PDE10A: variants seen among roughly 807,000 people sequenced by gnomAD.
The protein encoded by PDE10A is cAMP and cAMP-inhibited cGMP 3',5'-cyclic phosphodiesterase 10A.
PDE10A carries 39 observed loss-of-function variants against 97.7 expected under a neutral mutation model. The observed-to-expected ratio is 0.40, with a 90% CI of 0.31 to 0.52. The LOEUF is 0.52. Ranked by LOEUF, PDE10A falls within the 20% of genes least tolerant of loss-of-function variation. The pLI, the probability that PDE10A is intolerant of heterozygous loss-of-function variation, is 0.56. For synonymous variants in PDE10A, 371 were observed against 376.8 expected, an observed-to-expected ratio of 0.98 and a Z score of 0.18; for missense variants, 731 against 1,047.8, an observed-to-expected ratio of 0.70 and a Z score of 4.17.
chr6:165,505,054 T>A (rs770170550), intron 2 of PDE10A, among the ~76,000 whole-genome samples: 2 of 152,190 alleles, frequency 1.3e-5, no homozygotes, highest in Non-Finnish European at 2.9e-5. Flanking sequence ...CAGCCAATGA[T>A]GTGAAATTCT....
At chr6:165,965,578 C>T (rs1414300029) in intron 1 of PDE10A, among the ~76,000 whole-genome samples, 1 of 152,292 alleles carries the variant, frequency 6.6e-6, no homozygotes, top group East Asian at 1.9e-4. Context: ...CCTAATACTG[C>T]CATCCTTACC....
chr6:165,542,768 A>G (rs7751982), intron 2 of PDE10A, among the ~76,000 whole-genome samples: 70,548 of 150,376 alleles, frequency 0.47, 20,096 homozygotes, highest in African/African-American at 0.81. Context: ...ACAGGTGCCC[A>G]CCACCATGCC....
At chr6:165,939,176 C>T (rs1783433008) in intron 1 of PDE10A, among the ~76,000 whole-genome samples, 1 of 152,112 alleles carries the variant, frequency 6.6e-6, no homozygotes, top group African/African-American at 2.4e-5. Context: ...AAACCATAAC[C>T]CAAAAGCTAT....
intron 1 of PDE10A, among the ~76,000 whole-genome samples, chr6:165,584,834 G>A (rs1329413769): frequency 1.3e-5 from 2 of 152,150 alleles, no homozygotes; most frequent in Admixed American, 6.5e-5. Context: ...CACCCTACAG[G>A]CAAAGAACCC....
chr6:165,767,435 C>A (rs1182675515), intron 1 of PDE10A, among the ~76,000 whole-genome samples: 1 of 152,212 alleles, frequency 6.6e-6, no homozygotes, highest in Non-Finnish European at 1.5e-5. Flanking sequence ...TTGGCAGCCA[C>A]TCTCCATTCC....
At chr6:165,700,590 AAG>A (rs1283972592) in intron 1 of PDE10A, among the ~76,000 whole-genome samples, 2 of 152,178 alleles carry the variant, frequency 1.3e-5, no homozygotes, top group African/African-American at 4.8e-5. Flanking sequence ...TATATAAAAT[AAG>A]AGAGTTTGGG....
At chr6:165,647,144 C>G (rs1015775540) in intron 1 of PDE10A, among the ~76,000 whole-genome samples, 9 of 152,164 alleles carry the variant, frequency 5.9e-5, no homozygotes. Flanking sequence ...AGTCCACACA[C>G]AGAGTTAAGA....
At position 165,591,296 on chromosome 6, in the gene PDE10A, T is replaced by C. The variant is rs1024023914; in HGVS notation, c.866-47728A>G. Among the ~76,000 whole-genome samples the C allele has an allele frequency of 1.1e-4, 17 of 152,250 alleles. 1 individual carries two copies. The highest frequency in any genetic ancestry group is 2.9e-5 in the Non-Finnish European group (2 of 68,046). ...GTAGCCAAGTGGATTTTAAGAATTTTCTCTGACAAGTATTTTCATTGTGCT... is the reference window on the plus strand; with the variant it reads ...GTAGCCAAGTGGATTTTAAGAATTTCCTCTGACAAGTATTTTCATTGTGCT... On this transcript the variant is annotated intron_variant, in intron 1 of 21. Coordinates refer to ENST00000539869, the MANE Select transcript of PDE10A (RefSeq NM_001385079.1).
At chr6:165,744,964 T>C (rs560723350) in intron 1 of PDE10A, among the ~76,000 whole-genome samples, 1 of 152,320 alleles carries the variant, frequency 6.6e-6, no homozygotes, top group South Asian at 2.1e-4. Flanking sequence ...TGATTTACAA[T>C]ACCATTAGTA....
At chr6:165,949,456 T>C (rs300100) in intron 1 of PDE10A, 1 of 151,616 alleles carries the variant, frequency 6.6e-6, no homozygotes, top group Non-Finnish European at 1.5e-5. Flanking sequence ...GCAGAACTTA[T>C]GAAGTGCCAC....
rs558035416 is a variant in PDE10A at position 165,820,760 on chromosome 6, T to C, written c.-615+166769A>G. ...CAGGAGAACAAACGAAAGAAAGCCA[T>C]AAAAAACTGGGGAAGGCTCTTGCCA... On this transcript the variant is annotated intron_variant, in intron 1 of 19. Coordinates refer to the PDE10A transcript ENST00000366882. 8.9e-4 allele frequency among the ~76,000 whole-genome samples: 135 copies of C among 152,290 alleles called. 1 individual carries two copies. Among genetic ancestry groups the C allele is most frequent in the African/African-American group, 3.0e-3 (126 of 41,546 alleles).
Position 165,632,981 on chromosome 6 carries a change from T to A in PDE10A, c.865+28966A>T, listed in dbSNP as rs187879186. The stretch of plus-strand genomic sequence containing the variant: ...GCATGATTAAAGCATCACCATCACC[T>A]GTGTATTTTTCAGCAACTCAATATG... On this transcript the variant is annotated intron_variant, in intron 1 of 21. Coordinates refer to ENST00000539869, the MANE Select transcript of PDE10A (RefSeq NM_001385079.1). Among the ~76,000 whole-genome samples, 1,013 of 151,976 alleles carry A rather than the reference T, an allele frequency of 6.7e-3. 15 individuals are homozygous for A. The highest frequency in any genetic ancestry group is 0.024 in the African/African-American group (974 of 41,438).
intron 1 of PDE10A, among the ~76,000 whole-genome samples, chr6:165,832,407 T>C (rs1017007124): frequency 2.8e-5 from 4 of 145,218 alleles, no homozygotes; most frequent in Admixed American, 2.1e-4. Flanking sequence ...GGAGCTGGAC[T>C]TAGAATCCTG....
chr6:165,414,141 G>A lies in PDE10A; in HGVS notation c.1890-454C>T, dbSNP rs532045085. 7.2e-5 allele frequency among the ~76,000 whole-genome samples: 11 copies of A among 152,228 alleles called. No homozygotes were observed. In the East Asian group the frequency reaches 7.7e-4, roughly 11 times the overall value. ...AACTTAGAGCAGTGGTCAGCAAACC[G>A]CACCCAGGGGCCAAATCAGCCCTCT... On this transcript the variant is annotated intron_variant, in intron 12 of 21. Coordinates refer to ENST00000539869, the MANE Select transcript of PDE10A (RefSeq NM_001385079.1).
chr6:165,935,085 T>C (rs1463035471), intron 1 of PDE10A, among the ~76,000 whole-genome samples: 1 of 152,062 alleles, frequency 6.6e-6, no homozygotes, highest in Non-Finnish European at 1.5e-5. Context: ...TAGTGCTGGG[T>C]ATAGATTTGT....
At chr6:165,431,969 A>T (rs918818148) in intron 7 of PDE10A, among the ~76,000 whole-genome samples, 5 of 152,180 alleles carry the variant, frequency 3.3e-5, no homozygotes, top group Non-Finnish European at 7.4e-5. Context: ...AAAATGTAAA[A>T]ATCATACACA....
chr6:165,381,051 A>G (rs1220368349), intron 17 of PDE10A, among the ~76,000 whole-genome samples: 1 of 151,450 alleles, frequency 6.6e-6, no homozygotes, highest in Non-Finnish European at 1.5e-5. Context: ...TACTCTCTTT[A>G]TCACCAATAA....
intron 1 of PDE10A, among the ~76,000 whole-genome samples, chr6:165,559,477 C>A (rs1045490409): frequency 2.6e-5 from 4 of 152,174 alleles, no homozygotes; most frequent in African/African-American, 7.2e-5. Context: ...CATACTGTCT[C>A]ATTAGAAATA....
At chr6:165,449,196 G>C in intron 4 of PDE10A, among the ~76,000 whole-genome samples, 1 of 152,132 alleles carries the variant, frequency 6.6e-6, no homozygotes, top group Non-Finnish European at 1.5e-5. Context: ...AATTTAAGAC[G>C]ATATGCTCAA....
Sources: gnomAD v4.1 joint callset for allele counts (sites outside exome capture counted in the v4.1 genomes callset) on GRCh38, gnomAD v4.1.1 for gene constraint, MANE v1.5 for transcripts, NCBI Gene and HGNC (gene_info 2026-07-23, HGNC 2026-07-21) for gene names.